Variants in RABGAP1 observed in about 807,000 individuals in gnomAD.
RABGAP1 encodes the protein rab GTPase-activating protein 1.
A neutral mutation model predicts 137.6 loss-of-function variants in RABGAP1; 23 were observed. The observed-to-expected ratio is 0.17, with a 90% CI of 0.12 to 0.24. The LOEUF (loss-of-function observed/expected upper bound fraction) is 0.24. Ranked by LOEUF, RABGAP1 falls within the 10% of genes least tolerant of loss-of-function variation. The probability of loss-of-function intolerance (pLI) is 1.00; values close to 1 mark genes in which losing one functional copy is unlikely to be tolerated. For synonymous variants in RABGAP1, 451 were observed against 450.7 expected (o/e 1.00, Z -0.01); for missense variants, 906 against 1,275.8 (o/e 0.71, Z 4.42).
At chr9:123,087,430 G>C (rs572368647) in intron 19 of RABGAP1, among the ~76,000 whole-genome samples, 25 of 152,288 alleles carry the variant, frequency 1.6e-4, no homozygotes, top group African/African-American at 6.0e-4. Flanking sequence ...CTGGGATGAA[G>C]TGTTTGCTGT....
intron 2 of RABGAP1, among the ~76,000 whole-genome samples, chr9:122,970,070 G>A (rs2131680205): frequency 8.1e-6 from 1 of 122,764 alleles, no homozygotes; most frequent in South Asian, 3.3e-4. Context: ...ACCATATCCG[G>A]CTAATTTTTT....
intron 1 of RABGAP1, among the ~76,000 whole-genome samples, chr9:122,942,549 A>G (rs1355190953): frequency 6.6e-6 from 1 of 151,900 alleles, no homozygotes; most frequent in Non-Finnish European, 1.5e-5. Context: ...AGGCGCCTGT[A>G]GTCCCAGCTA....
Position 123,103,338 on chromosome 9 carries a change from A to AT in RABGAP1, c.*126dup. 1 of 1,426,512 alleles carries AT rather than the reference A, an allele frequency of 7.0e-7. No homozygotes were observed. The highest frequency in any genetic ancestry group is 1.3e-5 in the South Asian group (1 of 75,222). 88.4% of individuals were successfully genotyped at this position (1,426,512 alleles called of 1,614,324 possible). ...GTACCTAAGTCAGATCCATAGACGC[A>AT]TGTTGGTAGGTCACTGGACCAGAGC... On this transcript the variant is annotated 3_prime_UTR_variant, in exon 26 of 26. Transcript: ENST00000373647.
intron 13 of RABGAP1, among the ~76,000 whole-genome samples, chr9:123,028,783 C>T (rs562533018): frequency 6.6e-6 from 1 of 152,230 alleles, no homozygotes; most frequent in African/African-American, 2.4e-5. Flanking sequence ...TGTCTTAATT[C>T]AGATCCTAGT....
chr9:123,010,359 G>A lies in RABGAP1; in HGVS notation c.1380G>A (p.Lys460=), dbSNP rs1161968024. 5 of 1,608,312 alleles carry A rather than the reference G, an allele frequency of 3.1e-6. No homozygotes were observed. The highest frequency in any genetic ancestry group is 4.3e-6 in the Non-Finnish European group (5 of 1,176,036). The change falls in exon 11 of 26, where the codon AAG becomes AAA. Residue 460 remains lysine, a synonymous_variant. Coordinates refer to ENST00000373647, the MANE Select transcript of RABGAP1 (RefSeq NM_012197.4). ...ENFFLKLKQI[K]QRERKNNTDT... is the part of the protein sequence containing the mutation. ...AATATTTTTTCATCTTCAAGATAAA[G>A]CAAAGGGAGAGAAAGAATAATACTG...
intron 1 of RABGAP1, among the ~76,000 whole-genome samples, chr9:122,947,566 T>G (rs1834009343): frequency 6.6e-6 from 1 of 152,256 alleles, no homozygotes; most frequent in African/African-American, 2.4e-5. Flanking sequence ...TTTCCTGTAT[T>G]TGTTTAATTC....
At chr9:123,021,162 A>G (rs1417728767) in intron 13 of RABGAP1, among the ~76,000 whole-genome samples, 2 of 152,104 alleles carry the variant, frequency 1.3e-5, no homozygotes, top group African/African-American at 4.8e-5. Flanking sequence ...TGGGTCGTGA[A>G]TGTATTGCTC....
At chr9:123,017,794 G>C (rs2031341256) in intron 12 of RABGAP1, among the ~76,000 whole-genome samples, 3 of 152,200 alleles carry the variant, frequency 2.0e-5, no homozygotes, top group Admixed American at 2.0e-4. Context: ...TATGTGCTCT[G>C]TGTCAACTCT....
At chr9:123,094,099 T>G (rs2035110943) in intron 21 of RABGAP1, among the ~76,000 whole-genome samples, 1 of 152,244 alleles carries the variant, frequency 6.6e-6, no homozygotes, top group Non-Finnish European at 1.5e-5. Flanking sequence ...TGTGACCTTG[T>G]ATCCTGTGAC....
At chr9:123,026,090 G>A (rs1462418306) in intron 13 of RABGAP1, among the ~76,000 whole-genome samples, 1 of 149,286 alleles carries the variant, frequency 6.7e-6, no homozygotes, top group East Asian at 2.0e-4. Flanking sequence ...TTCGAAGACC[G>A]AGGCTGGTGG....
At chr9:123,099,640 A>C (rs1177396119) in intron 24 of RABGAP1, 91 bp downstream of exon 24, 1 of 1,102,986 alleles carries the variant, frequency 9.1e-7, no homozygotes, top group African/African-American at 1.6e-5. Context: ...GTTGATTTCA[A>C]AAGTGAGAGA....
chr9:122,998,643 A>G lies in RABGAP1; in HGVS notation c.1251A>G (p.Glu417=), dbSNP rs1219005986. 6.2e-7 allele frequency: 1 copy of G among 1,611,072 alleles called. No homozygotes were observed. ...CAGCTGTAGATTTGGTAATAACAGA[A>G]GTACAGGAGCCTGTTCGATTTCTCC... ...MTTAVDLVIT[E]VQEPVRFLLE... Residue 417 remains glutamate, a synonymous_variant, in exon 10 of 26, where the codon GAA becomes GAG. Coordinates refer to ENST00000373647, the MANE Select transcript of RABGAP1 (RefSeq NM_012197.4).
At position 123,020,376 on chromosome 9, in the gene RABGAP1, C is replaced by G; in HGVS notation, c.1711C>G (p.Leu571Val). The change falls in exon 13 of 26, where the codon CTT becomes GTT. Residue 571 changes from leucine (L) to valine (V), a missense_variant. Physicochemically the swap from Leu to Val is conservative, Grantham distance 32. Transcript: ENST00000373647. ...AGTAAGAAACGGTGTCCCTGAAGCT[C>G]TTCGAGGAGAAGTCTGGCAGCTGCT... ...SLVRNGVPEA[L>V]RGEVWQLLAG... The G allele has an allele frequency of 1.2e-6, 2 of 1,606,894 alleles. No individual in the cohort carries two copies. The highest frequency in any genetic ancestry group is 1.7e-6 in the Non-Finnish European group (2 of 1,176,364).
intron 2 of RABGAP1, chr9:122,971,837 C>T (rs543403312): frequency 6.6e-6 from 1 of 152,278 alleles, no homozygotes; most frequent in African/African-American, 2.4e-5. Context: ...GACCAACCAT[C>T]TTAAGTGTTC....
chr9:123,011,441 C>T (rs892118460), intron 11 of RABGAP1, among the ~76,000 whole-genome samples: 3 of 152,080 alleles, frequency 2.0e-5, no homozygotes, highest in African/African-American at 4.8e-5. Flanking sequence ...TGAAACGTAT[C>T]CATGTACTTT....
chr9:123,066,437 C>T (rs1020684452), intron 14 of RABGAP1, among the ~76,000 whole-genome samples: 2 of 152,182 alleles, frequency 1.3e-5, no homozygotes, highest in African/African-American at 4.8e-5. Context: ...GCCTCTGGTC[C>T]CTCGTCACAT....
chr9:123,081,738 G>A (rs2034715022), intron 19 of RABGAP1, among the ~76,000 whole-genome samples: 1 of 152,046 alleles, frequency 6.6e-6, no homozygotes, highest in East Asian at 1.9e-4. Flanking sequence ...CCACTGCGCC[G>A]ACCATTGTTG....
chr9:123,097,769 A>G lies in RABGAP1; in HGVS notation c.2657A>G (p.Lys886Arg), dbSNP rs1443236982. ...GAGGAAAAGGCAGATGCTCTGAATAAGGAGCTGCTGATGACCAAACAGAAG... is the reference window on the plus strand; with the variant it reads ...GAGGAAAAGGCAGATGCTCTGAATAGGGAGCTGCTGATGACCAAACAGAAG... ...NAEEKADALN[K>R]ELLMTKQKLI... The change falls in exon 22 of 26, where the codon AAG becomes AGG. Residue 886 changes from lysine to arginine, a missense_variant. By Grantham distance (26) the Lys-to-Arg change is conservative. Coordinates refer to ENST00000373647, the MANE Select transcript of RABGAP1 (RefSeq NM_012197.4). 2 of 1,613,284 alleles carry G rather than the reference A, an allele frequency of 1.2e-6. No individual in the cohort carries two copies. The highest frequency in any genetic ancestry group is 1.7e-6 in the Non-Finnish European group (2 of 1,179,794).
chr9:123,081,709 C>T (rs973512883), intron 19 of RABGAP1, among the ~76,000 whole-genome samples: 1 of 152,200 alleles, frequency 6.6e-6, no homozygotes, highest in African/African-American at 2.4e-5. Flanking sequence ...TCCCAAAGTG[C>T]TGGGATTACA....
Sources: gnomAD v4.1 joint callset for allele counts (sites outside exome capture counted in the v4.1 genomes callset) on GRCh38, gnomAD v4.1.1 for gene constraint, MANE v1.5 for transcripts, NCBI Gene and HGNC (gene_info 2026-07-23, HGNC 2026-07-21) for gene names.